TNNT2: variants seen among roughly 807,000 people sequenced by gnomAD.
TNNT2 encodes troponin T2, cardiac type, also known as troponin T, cardiac muscle.
In TNNT2, 34 loss-of-function variants were observed where a neutral mutation model predicts 62.4. The observed-to-expected ratio is 0.54, with a 90% confidence interval of 0.41 to 0.72. The LOEUF is 0.72. TNNT2 is among the 30% of genes least tolerant of loss of function. The pLI is 0.00. For synonymous variants in TNNT2, 123 were observed against 127.2 expected, an observed-to-expected ratio of 0.97 and a Z score of 0.22; for missense variants, 275 against 381.9, an observed-to-expected ratio of 0.72 and a Z score of 2.33.
chr1:201,364,413 G>A (rs1456003706), intron 10 of TNNT2, 38 bp from the exon 11 acceptor site: 1 of 1,602,332 alleles, frequency 6.2e-7, no homozygotes, highest in Middle Eastern at 1.7e-4. Flanking sequence ...GGTGTGCATA[G>A]GGAGAAGGTG....
At position 201,359,604 on chromosome 1, in the gene TNNT2, A is replaced by G. The variant is rs2102216441; in HGVS notation, c.851+19T>C. ...GGGGGCAGGGGGAGGGCTAGGCGAG[A>G]ATGACCTCAGACACTTACACTTTCT... On this transcript the variant is annotated intron_variant, in intron 16 of 16. Transcript: ENST00000656932. 6.3e-7 allele frequency: 1 copy of G among 1,597,690 alleles called. No homozygotes were observed. The highest frequency in any genetic ancestry group is 2.3e-5 in the East Asian group (1 of 44,400).
At position 201,368,215 on chromosome 1, in the gene TNNT2, G is replaced by C. The variant is rs776406819; in HGVS notation, c.110C>G (p.Ala37Gly). Residue 37 changes from alanine (A) to glycine (G), a missense_variant, in exon 6 of 17, where the codon GCA (alanine) becomes GGA (glycine). Transcript: ENST00000656932. Reference sequence around the variant, plus strand: ...CTCTGCTTCAGCATCCTCTTCCGCTGCCTCCTCCTGCTCTGGAGAAGTGAA... The same window carrying C: ...CTCTGCTTCAGCATCCTCTTCCGCTCCCTCCTCCTGCTCTGGAGAAGTGAA... ...WREDEDEQEEAAEEDAEAEAE... is the reference protein window; with the variant it reads ...WREDEDEQEEGAEEDAEAEAE... 1.9e-6 allele frequency: 3 copies of C among 1,614,078 alleles called. No homozygotes were observed. In the East Asian group the frequency reaches 6.7e-5, roughly 36 times the overall value.
chr1:201,374,085 A>G (rs1339290061), intron 1 of TNNT2: 1 of 152,410 alleles, frequency 6.6e-6, no homozygotes, highest in Non-Finnish European at 1.5e-5. Flanking sequence ...TCACATACAC[A>G]TGGTGCAATT....
At chr1:201,362,909 G>A (rs188013369) in intron 12 of TNNT2, among the ~76,000 whole-genome samples, 166 of 152,288 alleles carry the variant, frequency 1.1e-3, no homozygotes, top group Non-Finnish European at 2.1e-3. Context: ...TGAGGAAACC[G>A]AGGCTCAGAG....
At chr1:201,363,672 C>T (rs1659122753) in intron 11 of TNNT2, 1 of 483,368 alleles carries the variant, frequency 2.1e-6, no homozygotes, top group Non-Finnish European at 3.8e-6. Flanking sequence ...AGACCTGTTG[C>T]TCTGGAAATG....
rs1388468442 is a variant in TNNT2 at position 201,372,007 on chromosome 1, C to T, written c.67+20G>A. On this transcript the variant is annotated intron_variant, in intron 4 of 16. Transcript: ENST00000656932. ...CTGAGCCTGCCCCTTTCTGGCTCTC[C>T]ACCTGCCTGAGGCACATACCTTCAA... The T allele has an allele frequency of 6.2e-7, 1 of 1,613,820 alleles. No homozygotes were observed. The highest frequency in any genetic ancestry group is 1.3e-5 in the African/African-American group (1 of 74,860).
At chr1:201,359,370 C>T (rs1217602174) in intron 16 of TNNT2, 115 bp from the exon 17 acceptor site, 5 of 1,333,772 alleles carry the variant, frequency 3.7e-6, no homozygotes, top group African/African-American at 1.4e-5. Flanking sequence ...GAGCTGCCTC[C>T]AGGGGCAGAA....
chr1:201,363,656 C>G (rs1659119557), intron 11 of TNNT2: 3 of 502,612 alleles, frequency 6.0e-6, no homozygotes, highest in South Asian at 4.1e-5. Flanking sequence ...TGGGAGTGCC[C>G]CTGGAAGACC....
At position 201,359,184 on chromosome 1, in the gene TNNT2, A is replaced by C. The variant is rs375935487; in HGVS notation, c.*26T>G. On this transcript the variant is annotated 3_prime_UTR_variant, in exon 17 of 17. Coordinates refer to ENST00000656932, the MANE Select transcript of TNNT2 (RefSeq NM_001276345.2). ...CCGGAGGCAGGTGCGAGCGAGGAGC[A>C]GATCTTTGGTGAAGGAGGCCAGGCT... The C allele has an allele frequency of 1.4e-5, 22 of 1,605,090 alleles. No homozygotes were observed. Among genetic ancestry groups the C allele is most frequent in the Non-Finnish European group, 1.8e-5 (21 of 1,176,762 alleles).
At chr1:201,365,545 C>T in intron 9 of TNNT2, 65 bp downstream of exon 9, 6 of 1,563,714 alleles carry the variant, frequency 3.8e-6, no homozygotes, top group Non-Finnish European at 5.3e-6. Context: ...CACAAAATCT[C>T]TGTCACTGAG....
At chr1:201,370,032 C>G (rs1660388276) in intron 4 of TNNT2, among the ~76,000 whole-genome samples, 187 bp from the exon 5 acceptor site, 1 of 152,136 alleles carries the variant, frequency 6.6e-6, no homozygotes, top group Admixed American at 6.5e-5. Flanking sequence ...AGTTACTTCC[C>G]TGAGCCTCAG....
intron 8 of TNNT2, chr1:201,366,323 G>C: frequency 9.7e-7 from 1 of 1,026,314 alleles, no homozygotes. Context: ...TCTGCTGGCA[G>C]GGTTGGCATC....
chr1:201,359,593 G>A, intron 16 of TNNT2, 30 bp downstream of exon 16: 2 of 1,592,060 alleles, frequency 1.3e-6, no homozygotes, highest in Non-Finnish European at 1.7e-6. Flanking sequence ...GCAGGGGGAG[G>A]GCTAGGCGAG....
At chr1:201,361,100 C>T in intron 15 of TNNT2, 179 bp downstream of exon 15, 1 of 731,008 alleles carries the variant, frequency 1.4e-6, no homozygotes. Context: ...AAGCAGTCGT[C>T]AATGCGGTGG....
chr1:201,369,439 T>C (rs1029968701), intron 5 of TNNT2: 1 of 481,534 alleles, frequency 2.1e-6, no homozygotes, highest in African/African-American at 2.0e-5. Context: ...GTCCAGCTCC[T>C]AAGGAGGGCC....
chr1:201,359,993 A>T (rs1441092177), intron 15 of TNNT2, among the ~76,000 whole-genome samples: 2 of 152,174 alleles, frequency 1.3e-5, no homozygotes, highest in Non-Finnish European at 2.9e-5. Context: ...CCCTCCTAGC[A>T]GCCCAGCCCC....
intron 16 of TNNT2, 61 bp from the exon 17 acceptor site, chr1:201,359,316 G>A (rs1658153594): frequency 6.3e-7 from 1 of 1,575,556 alleles, no homozygotes; most frequent in Non-Finnish European, 8.6e-7. Context: ...GTCACCATGC[G>A]GCTGGGGTAG....
intron 2 of TNNT2, among the ~76,000 whole-genome samples, chr1:201,372,722 C>T (rs6663175): frequency 0.026 from 3,940 of 152,304 alleles, 160 homozygotes; most frequent in African/African-American, 0.091. Context: ...GACCACTATC[C>T]TCTGTAGTTA....
chr1:201,366,618 T>TG (rs1659710921), intron 8 of TNNT2: 1 of 1,446,414 alleles, frequency 6.9e-7, no homozygotes, highest in African/African-American at 1.4e-5. Flanking sequence ...CCTGCTAGGG[T>TG]GCACGATTGG....
Sources: gnomAD v4.1 joint callset for allele counts (sites outside exome capture counted in the v4.1 genomes callset) on GRCh38, gnomAD v4.1.1 for gene constraint, MANE v1.5 for transcripts, NCBI Gene and HGNC (gene_info 2026-07-23, HGNC 2026-07-21) for gene names.